Variants in VPS13D observed in about 807,000 individuals in gnomAD.
VPS13D encodes intermembrane lipid transfer protein VPS13D.
In VPS13D, 187 loss-of-function variants were observed where a neutral mutation model predicts 461.9. The ratio of observed to expected loss-of-function variants is 0.40; its 90% CI spans 0.36 to 0.46. The LOEUF (loss-of-function observed/expected upper bound fraction) is 0.46. VPS13D is among the 20% of genes least tolerant of loss of function. VPS13D has a pLI of 0.60. For synonymous variants in VPS13D, 1,951 were observed against 1,986.3 expected, an observed-to-expected ratio of 0.98 and a Z score of 0.47; for missense variants, 4,711 against 5,364.9, an observed-to-expected ratio of 0.88 and a Z score of 3.81.
Position 12,499,583 on chromosome 1 carries a change from A to G in VPS13D, c.12794+1952A>G, listed in dbSNP as rs182748129. 78 of 985,498 alleles carry G rather than the reference A, an allele frequency of 7.9e-5. No homozygotes were observed. The East Asian group carries it at 4.5e-3, about 57-fold the overall frequency. 61.0% of individuals were successfully genotyped at this position (985,498 alleles called of 1,614,324 possible). A position where few individuals can be genotyped will look rare whatever the true frequency, so the allele number is the denominator to read the frequency against. ...TAAAAACTGGAATCGAAATGAAATC[A>G]GTAAAATAGCTTTCATGAAACTCAT... On this transcript the variant is annotated intron_variant, in intron 68 of 69. Transcript: ENST00000620676.
intron 26 of VPS13D, among the ~76,000 whole-genome samples, chr1:12,308,229 A>G (rs958740062): frequency 6.6e-6 from 1 of 152,122 alleles, no homozygotes. Context: ...TGTCGAGCAC[A>G]TGGAGCTTTG....
intron 68 of VPS13D, among the ~76,000 whole-genome samples, chr1:12,498,794 C>A (rs1645995089): frequency 6.6e-6 from 1 of 152,174 alleles, no homozygotes; most frequent in Admixed American, 6.5e-5. Context: ...ACTGTGTCCC[C>A]ACATTGCAGA....
rs199924834 is a variant in VPS13D, at chr1:12,363,061, A to G, written c.10273-11A>G. 40 of 1,613,620 alleles carry G rather than the reference A, an allele frequency of 2.5e-5. No homozygotes were observed. Among genetic ancestry groups the G allele is most frequent in the Admixed American group, 1.7e-4 (10 of 59,980 alleles). ...CTTGTTGACTAAAGCCTGTGATCCT[A>G]TGTGTTTTAGGGAACAGCCAATCCC... On this transcript the variant is annotated splice_polypyrimidine_tract_variant and intron_variant, in intron 51 of 69. Transcript: ENST00000620676.
At chr1:12,376,521 A>G (rs1644201066) in intron 55 of VPS13D, among the ~76,000 whole-genome samples, 1 of 152,248 alleles carries the variant, frequency 6.6e-6, no homozygotes, top group African/African-American at 2.4e-5. Context: ...CACTTATCAC[A>G]AAAACCATGA....
chr1:12,358,527 T>A lies in VPS13D; in HGVS notation c.10067T>A (p.Leu3356Gln). 6.2e-7 allele frequency: 1 copy of A among 1,614,216 alleles called. No homozygotes were observed. Residue 3356 changes from leucine (L) to glutamine (Q), a missense_variant, in exon 50 of 70, where the codon CTG (leucine) becomes CAG (glutamine). Leu to Gln is a moderately radical substitution (Grantham distance 113). Coordinates refer to ENST00000620676, the MANE Select transcript of VPS13D (RefSeq NM_015378.4). Reference sequence around the variant, plus strand: ...CCGGGCTGGTGTCAGGGCTTCTCCCTGGATGGTGGTAGTGGTGTCCGAGCT... The same window carrying A: ...CCGGGCTGGTGTCAGGGCTTCTCCCAGGATGGTGGTAGTGGTGTCCGAGCT... ...GMPGWCQGFS[L>Q]DGGSGVRALK...
intron 65 of VPS13D, among the ~76,000 whole-genome samples, chr1:12,436,301 G>A (rs1399770316): frequency 6.6e-6 from 1 of 152,208 alleles, no homozygotes; most frequent in African/African-American, 2.4e-5. Flanking sequence ...AAGGCACGCC[G>A]GTGCCCAATC....
rs962977382 is a variant in VPS13D, at chr1:12,234,297, A to G, written c.31A>G (p.Asn11Asp). 6.2e-7 allele frequency: 1 copy of G among 1,614,014 alleles called. No homozygotes were observed. The highest frequency in any genetic ancestry group is 1.3e-5 in the African/African-American group (1 of 74,938). Residue 11 changes from asparagine to aspartate, a missense_variant, in exon 2 of 70, where the codon AAT (asparagine) becomes GAT (aspartate). Around this residue, in one of 3 missense-constraint regions of VPS13D, gnomAD observed 4,411 missense variants for 4,937.8 expected, o/e 0.89. Coordinates refer to ENST00000620676, the MANE Select transcript of VPS13D (RefSeq NM_015378.4). ...GGAAGGCCTTGTAGCCTGGGTTCTC[A>G]ATACCTATTTGGGAAAATATGTCAA... MLEGLVAWVL[N>D]TYLGKYVNNL...
intron 29 of VPS13D, among the ~76,000 whole-genome samples, chr1:12,313,525 T>C (rs989192882): frequency 6.6e-6 from 1 of 152,106 alleles, no homozygotes; most frequent in Non-Finnish European, 1.5e-5. Context: ...ATGGAATAAT[T>C]CTGTATGTAT....
At chr1:12,506,129 G>A (rs371407847) in intron 68 of VPS13D, among the ~76,000 whole-genome samples, 21 of 152,196 alleles carry the variant, frequency 1.4e-4, no homozygotes, top group Non-Finnish European at 2.2e-4. Context: ...AGCCAGGCCC[G>A]GGAGAACTGT....
Position 12,268,753 on chromosome 1 carries a change from C to A in VPS13D, c.1849C>A (p.Pro617Thr). The A allele has an allele frequency of 6.2e-7, 1 of 1,614,020 alleles. No homozygotes were observed. Among genetic ancestry groups the A allele is most frequent in the Non-Finnish European group, 8.5e-7 (1 of 1,179,986 alleles). The change falls in exon 16 of 70, where the codon CCG becomes ACG. Residue 617 changes from proline to threonine, a missense_variant. Pro to Thr is a conservative substitution (Grantham distance 38). Around this residue, in one of 3 missense-constraint regions of VPS13D, gnomAD observed 4,411 missense variants for 4,937.8 expected, o/e 0.89. Transcript: ENST00000620676. ...PVFEMLYERN[P>T]AHSHFERRLN... The stretch of plus-strand genomic sequence containing the variant: ...TTTTGAGATGCTGTATGAGAGAAAT[C>A]CGGCGCACAGCCACTTTGAGAGGCG...
intron 60 of VPS13D, among the ~76,000 whole-genome samples, chr1:12,395,581 G>C (rs1644484460): frequency 6.6e-6 from 1 of 152,124 alleles, no homozygotes; most frequent in Non-Finnish European, 1.5e-5. Flanking sequence ...TGCTTCTGAA[G>C]CTGGGAGACA....
intron 36 of VPS13D, among the ~76,000 whole-genome samples, chr1:12,329,359 G>A (rs1202530333): frequency 2.0e-5 from 3 of 151,982 alleles, no homozygotes; most frequent in Admixed American, 1.3e-4. Context: ...GATTACAGGC[G>A]CCCGCTACCA....
intron 54 of VPS13D, 63 bp from the exon 55 acceptor site, chr1:12,373,687 G>A (rs997150554): frequency 8.4e-6 from 8 of 947,310 alleles, no homozygotes; most frequent in Non-Finnish European, 9.6e-6. Context: ...ATACATGTGT[G>A]AGTATGTGTG....
intron 54 of VPS13D, among the ~76,000 whole-genome samples, 182 bp from the exon 55 acceptor site, chr1:12,373,568 A>G (rs1312920975): frequency 6.6e-6 from 1 of 151,972 alleles, no homozygotes; most frequent in African/African-American, 2.4e-5. Flanking sequence ...CTGTGTAGGG[A>G]AAAAAATGCA....
intron 6 of VPS13D, chr1:12,249,587 G>T: frequency 3.2e-6 from 1 of 317,272 alleles, no homozygotes; most frequent in Non-Finnish European, 5.8e-6. Context: ...GGGCAGAAAG[G>T]ATTTTATTTT....
chr1:12,489,156 G>T (rs547021328), intron 67 of VPS13D, among the ~76,000 whole-genome samples: 1 of 152,064 alleles, frequency 6.6e-6, no homozygotes, highest in Admixed American at 6.5e-5. Flanking sequence ...AGGTAGTCTC[G>T]CCCCTGAGGC....
chr1:12,353,426 G>T (rs925547644), intron 46 of VPS13D, among the ~76,000 whole-genome samples: 1 of 151,180 alleles, frequency 6.6e-6, no homozygotes, highest in Non-Finnish European at 1.5e-5. Flanking sequence ...CCAGCTACTC[G>T]GAAGGCTGAG....
At chr1:12,237,083 G>GTA (rs1009331331) in intron 2 of VPS13D, among the ~76,000 whole-genome samples, 2 of 150,894 alleles carry the variant, frequency 1.3e-5, no homozygotes, top group Non-Finnish European at 2.9e-5. Flanking sequence ...ATCTGTGTAT[G>GTA]TATATATATA....
intron 64 of VPS13D, 63 bp downstream of exon 64, chr1:12,415,284 G>C: frequency 6.2e-7 from 1 of 1,607,228 alleles, no homozygotes. Flanking sequence ...TAGTTGTTTG[G>C]GAATTTTGGT....
Sources: allele counts gnomAD v4.1 joint callset (sites outside exome capture counted in the v4.1 genomes callset), GRCh38; gene constraint gnomAD v4.1.1; regional missense constraint gnomAD v4.1.1; transcripts MANE v1.5; gene names NCBI Gene and HGNC (gene_info 2026-07-23, HGNC 2026-07-21).